Variants in MDGA2 observed in about 807,000 individuals in gnomAD.
MDGA2 encodes MAM domain containing glycosylphosphatidylinositol anchor 2.
In MDGA2, 40 loss-of-function variants were observed where a neutral mutation model predicts 117.8. That is an observed-to-expected ratio of 0.34 (90% confidence interval 0.26 to 0.44). The LOEUF (loss-of-function observed/expected upper bound fraction) is 0.44, where lower values mean the gene tolerates loss of function less well. Among genes scored for constraint, MDGA2 ranks in the 20% least tolerant of loss-of-function variants. The pLI is 1.00. For missense variants in MDGA2, 1,123 were observed against 1,250.6 expected, an observed-to-expected ratio of 0.90 and a Z score of 1.54; for synonymous variants, 452 against 439.0, an observed-to-expected ratio of 1.03 and a Z score of -0.37.
chr14:47,513,095 A>C (rs1288807924), intron 1 of MDGA2, among the ~76,000 whole-genome samples: 1 of 152,172 alleles, frequency 6.6e-6, no homozygotes, highest in East Asian at 1.9e-4. Context: ...TTTTTTTCTA[A>C]CAAATCTAAA....
intron 1 of MDGA2, among the ~76,000 whole-genome samples, chr14:47,339,087 T>G (rs969730530): frequency 6.6e-6 from 1 of 152,100 alleles, no homozygotes; most frequent in Non-Finnish European, 1.5e-5. Flanking sequence ...AATTTGTATC[T>G]TTTACAGGGA....
At chr14:46,955,108 T>C (rs1885512063) in intron 9 of MDGA2, among the ~76,000 whole-genome samples, 1 of 152,084 alleles carries the variant, frequency 6.6e-6, no homozygotes, top group South Asian at 2.1e-4. Context: ...TTGAGACATT[T>C]TGAATCTTTG....
chr14:47,077,377 A>G (rs1440789651), intron 6 of MDGA2, among the ~76,000 whole-genome samples: 1 of 152,112 alleles, frequency 6.6e-6, no homozygotes, highest in African/African-American at 2.4e-5. Flanking sequence ...TGAAAGATGT[A>G]CATGAACTTT....
chr14:47,243,224 CTCTA>C (rs1460739003), intron 2 of MDGA2, among the ~76,000 whole-genome samples: 6 of 151,500 alleles, frequency 4.0e-5, no homozygotes, highest in African/African-American at 1.5e-4. Context: ...TGTGTCTAAA[CTCTA>C]TCTAACTAAT....
chr14:47,520,900 C>A (rs1341335765), intron 1 of MDGA2, among the ~76,000 whole-genome samples: 1 of 152,124 alleles, frequency 6.6e-6, no homozygotes, highest in Non-Finnish European at 1.5e-5. Context: ...TGGTGTCATT[C>A]AGAATTAAGG....
At chr14:47,608,798 T>C (rs1450513827) in intron 1 of MDGA2, among the ~76,000 whole-genome samples, 3 of 152,034 alleles carry the variant, frequency 2.0e-5, no homozygotes, top group African/African-American at 7.2e-5. Context: ...CTAGTTAGGA[T>C]CTTGTCTGTG....
chr14:47,290,915 A>G (rs1302173323), intron 2 of MDGA2, among the ~76,000 whole-genome samples: 1 of 152,152 alleles, frequency 6.6e-6, no homozygotes, highest in Non-Finnish European at 1.5e-5. Flanking sequence ...CTCCCTGACC[A>G]AGGGACAACA....
At position 46,855,118 on chromosome 14, in the gene MDGA2, G is replaced by T; in HGVS notation, c.2789C>A (p.Thr930Lys). 3 of 1,608,946 alleles carry T rather than the reference G, an allele frequency of 1.9e-6. No homozygotes were observed. The highest frequency in any genetic ancestry group is 2.5e-6 in the Non-Finnish European group (3 of 1,177,458). ...AGACCACAGTGGATTCTCTATTGTT[G>T]TTTGCCCTTTCAAACGTAGATAAAC... is the stretch of plus-strand genomic sequence containing the variant. ...LNVYLRLKGQ[T>K]TIENPLWSSS... The change falls in exon 15 of 17, where the codon ACA (threonine) becomes AAA (lysine). Residue 930 changes from threonine (T) to lysine (K), a missense_variant. Physicochemically the swap from Thr to Lys is moderately conservative, Grantham distance 78. Transcript: ENST00000399232. This position sits in a 1 kb window ranked among gnomAD's most constrained non-coding sequence, Gnocchi z 4.1.
chr14:47,641,383 G>A (rs556216577), intron 1 of MDGA2, among the ~76,000 whole-genome samples: 2 of 152,180 alleles, frequency 1.3e-5, no homozygotes, highest in East Asian at 3.9e-4. Flanking sequence ...CTGATTCAAT[G>A]AGTGTCTCTA....
intron 1 of MDGA2, among the ~76,000 whole-genome samples, chr14:47,381,419 T>C (rs1365868712): frequency 6.6e-6 from 1 of 152,170 alleles, no homozygotes; most frequent in African/African-American, 2.4e-5. Context: ...GGAAGTCAAA[T>C]TGTCCCTGTT....
intron 8 of MDGA2, among the ~76,000 whole-genome samples, chr14:46,971,364 G>A (rs748654778): frequency 6.6e-5 from 10 of 152,094 alleles, no homozygotes; most frequent in Non-Finnish European, 1.2e-4. Flanking sequence ...ACACAATGGA[G>A]TAATATTCAG....
intron 8 of MDGA2, among the ~76,000 whole-genome samples, chr14:47,006,759 T>G (rs1887726694): frequency 6.6e-6 from 1 of 151,664 alleles, no homozygotes; most frequent in Non-Finnish European, 1.5e-5. Flanking sequence ...CATTTAAAAT[T>G]TGCTTTTTTC....
intron 2 of MDGA2, among the ~76,000 whole-genome samples, chr14:47,239,239 T>A (rs1172656750): frequency 6.7e-6 from 1 of 148,906 alleles, no homozygotes; most frequent in Admixed American, 6.7e-5. Flanking sequence ...AAAAAAGGGC[T>A]CTGATAAGTG....
intron 2 of MDGA2, among the ~76,000 whole-genome samples, chr14:47,286,822 T>C (rs1160968146): frequency 6.8e-5 from 8 of 117,978 alleles, no homozygotes. Context: ...TATATATATA[T>C]ATACATATAT....
chr14:47,465,202 G>A (rs930412321), intron 1 of MDGA2, among the ~76,000 whole-genome samples: 5 of 152,028 alleles, frequency 3.3e-5, no homozygotes, highest in African/African-American at 1.2e-4. Flanking sequence ...AAAGACTTAA[G>A]GGTAAAACCC....
chr14:47,337,866 A>G (rs768448724), intron 1 of MDGA2, among the ~76,000 whole-genome samples: 52 of 152,036 alleles, frequency 3.4e-4, no homozygotes, highest in African/African-American at 1.2e-3. Flanking sequence ...TACATGTCAC[A>G]CCTGCATTGC....
At chr14:46,883,757 T>G (rs891124728) in intron 10 of MDGA2, among the ~76,000 whole-genome samples, 3 of 152,088 alleles carry the variant, frequency 2.0e-5, no homozygotes, top group African/African-American at 7.2e-5. Context: ...TAACAGGTAA[T>G]CCACAGCTTT....
chr14:46,960,938 G>GTA (rs1306081406), intron 8 of MDGA2, among the ~76,000 whole-genome samples: 58 of 122,758 alleles, frequency 4.7e-4, no homozygotes, highest in Admixed American at 1.5e-3. Context: ...ATGTGTATGC[G>GTA]TATATATATA....
intron 8 of MDGA2, among the ~76,000 whole-genome samples, chr14:47,014,363 A>G (rs1171711397): frequency 6.6e-6 from 1 of 152,152 alleles, no homozygotes; most frequent in Non-Finnish European, 1.5e-5. Context: ...GCCCCTAACA[A>G]GCGATTCAGC....
Sources: allele counts gnomAD v4.1 joint callset (sites outside exome capture counted in the v4.1 genomes callset), GRCh38; gene constraint gnomAD v4.1.1; non-coding constraint Gnocchi (gnomAD v3.1); transcripts MANE v1.5; gene names NCBI Gene and HGNC (gene_info 2026-07-23, HGNC 2026-07-21).